The following IL32 variants were observed in gnomAD, a reference collection of about 807,000 sequenced individuals.
The protein encoded by IL32 is interleukin 32.
A neutral mutation model predicts 16.6 loss-of-function variants in IL32; 30 were observed. The ratio of observed to expected loss-of-function variants is 1.81; its 90% CI spans 1.35 to 2.45. IL32 has a LOEUF of 2.45. IL32 is among the 30% of genes most tolerant of loss of function. IL32 has a pLI of 0.00. For synonymous variants in IL32, 70 were observed against 86.1 expected (o/e 0.81, Z 1.03); for missense variants, 234 against 229.8 (o/e 1.02, Z -0.12).
At position 3,068,028 on chromosome 16, in the gene IL32, C is replaced by G. The variant is rs747902151; in HGVS notation, c.141+18C>G. The G allele has an allele frequency of 4.3e-6, 7 of 1,613,754 alleles. No individual in the cohort carries two copies. Among genetic ancestry groups the G allele is most frequent in the Non-Finnish European group, 5.1e-6 (6 of 1,179,790 alleles). ...AGCTGGAGGTGAGCCGTGGCCTCCC[C>G]CTCCACCAAGCTTAGTCCCTGGGTC... On this transcript the variant is annotated intron_variant, in intron 5 of 6. Coordinates refer to ENST00000525643, the MANE Select transcript of IL32 (RefSeq NM_001376923.1).
intron 4 of IL32, 106 bp from the exon 5 acceptor site, chr16:3,067,878 C>A (rs1313939365): frequency 7.3e-7 from 1 of 1,367,766 alleles, no homozygotes; most frequent in Non-Finnish European, 1.0e-6. Flanking sequence ...CTGGCTGGGC[C>A]CAGTTCGGGG....
At position 3,066,829 on chromosome 16, in the gene IL32, G is replaced by A. The variant is rs543491245; in HGVS notation, c.16-548G>A. ...GACCATAGTGGTTGTGGGAAACCCA[G>A]CTGAGCCAGCCTGCTCCAGGACAGT... is the stretch of plus-strand genomic sequence containing the variant. On this transcript the variant is annotated intron_variant, in intron 2 of 6. Coordinates refer to ENST00000525643, the MANE Select transcript of IL32 (RefSeq NM_001376923.1). Among the ~76,000 whole-genome samples the A allele has an allele frequency of 5.9e-5, 9 of 152,186 alleles. No homozygotes were observed. The South Asian group carries it at 8.3e-4, about 14-fold the overall frequency.
At chr16:3,066,118 T>TC (rs1318853533) in intron 2 of IL32, among the ~76,000 whole-genome samples, 1 of 152,144 alleles carries the variant, frequency 6.6e-6, no homozygotes, top group African/African-American at 2.4e-5. Flanking sequence ...TGGAAACGAC[T>TC]CGGAGAATGC....
At chr16:3,065,724 G>A in intron 1 of IL32, 37 bp downstream of exon 1, 3 of 1,495,018 alleles carry the variant, frequency 2.0e-6, no homozygotes, top group Admixed American at 1.7e-5. Context: ...AGGACCCTCT[G>A]GGGAGGAGGG....
chr16:3,068,449 G>A, intron 6 of IL32: 1 of 572,076 alleles, frequency 1.7e-6, no homozygotes, highest in South Asian at 2.0e-5. Context: ...GGGACTACAG[G>A]CACCCGCCAC....
intron 2 of IL32, among the ~76,000 whole-genome samples, chr16:3,067,000 A>AGGAGGGGTCACCTAGGCCCATGCT (rs1956398236): frequency 7.9e-5 from 4 of 50,552 alleles, no homozygotes; most frequent in East Asian, 4.9e-4. Flanking sequence ...AGGCCCACGC[A>AGGAGGGGTCACCTAGGCCCATGCT]GGCCCTGCTC....
intron 3 of IL32, 25 bp from the exon 4 acceptor site, chr16:3,067,529 G>T (rs767093013): frequency 6.2e-7 from 1 of 1,614,038 alleles, no homozygotes; most frequent in African/African-American, 1.3e-5. Flanking sequence ...CGGCCCTTTG[G>T]TGCCAACTCT....
At position 3,069,348 on chromosome 16, in the gene IL32, C is replaced by T. The variant is rs369007437; in HGVS notation, c.560C>T (p.Ser187Leu). 2.0e-5 allele frequency: 32 copies of T among 1,589,010 alleles called. No homozygotes were observed. In the African/African-American group the frequency reaches 3.4e-4, roughly 17 times the overall value. Residue 187 changes from serine (S) to leucine (L), a missense_variant, in exon 7 of 7, where the codon TCA becomes TTA. Coordinates refer to ENST00000525643, the MANE Select transcript of IL32 (RefSeq NM_001376923.1). ...CAGAAGTGCTCTGAACCCCAATCCTCAAAATGAAGATACTGACACCACCTT... is the reference window on the plus strand; with the variant it reads ...CAGAAGTGCTCTGAACCCCAATCCTTAAAATGAAGATACTGACACCACCTT... ...TPQKCSEPQS[S>L]K
At chr16:3,067,223 C>T (rs894907996) in intron 2 of IL32, among the ~76,000 whole-genome samples, 154 bp from the exon 3 acceptor site, 1 of 151,354 alleles carries the variant, frequency 6.6e-6, no homozygotes, top group East Asian at 2.0e-4. Flanking sequence ...CTGTGAGGGG[C>T]TCCTGGGACT....
At chr16:3,068,849 C>A in intron 6 of IL32, 141 bp from the exon 7 acceptor site, 1 of 1,371,868 alleles carries the variant, frequency 7.3e-7, no homozygotes, top group Non-Finnish European at 9.8e-7. Flanking sequence ...TCCCTCTTGC[C>A]CACGGGGCTG....
At chr16:3,065,891 C>A in intron 2 of IL32, 65 bp downstream of exon 2, 3 of 1,592,656 alleles carry the variant, frequency 1.9e-6, no homozygotes, top group Non-Finnish European at 2.6e-6. Context: ...GGTGCGGGTG[C>A]CCTCAGTATT....
intron 5 of IL32, 66 bp from the exon 6 acceptor site, chr16:3,068,114 T>G: frequency 1.2e-6 from 2 of 1,602,776 alleles, no homozygotes; most frequent in Middle Eastern, 3.3e-4. Context: ...CCTGGACCAG[T>G]GGGGGCCACA....
chr16:3,068,377 C>G (rs1956673078), intron 6 of IL32, 138 bp downstream of exon 6: 29 of 758,604 alleles, frequency 3.8e-5, no homozygotes, highest in Middle Eastern at 3.4e-4. Flanking sequence ...ATGATCTTGG[C>G]TCACTGCAAC....
At chr16:3,068,081 GC>G in intron 5 of IL32, 71 bp downstream of exon 5, 1 of 1,606,062 alleles carries the variant, frequency 6.2e-7, no homozygotes, top group Non-Finnish European at 8.5e-7. Context: ...CTGGGTCTGG[GC>G]CCCGGGTCCC....
intron 6 of IL32, 55 bp from the exon 7 acceptor site, chr16:3,068,935 G>T: frequency 6.2e-7 from 1 of 1,601,394 alleles, no homozygotes; most frequent in Non-Finnish European, 8.5e-7. Flanking sequence ...GTGTGGCCAG[G>T]GCCTGGGGCT....
chr16:3,065,744 G>T, intron 1 of IL32, 40 bp from the exon 2 acceptor site: 1 of 1,604,972 alleles, frequency 6.2e-7, no homozygotes, highest in African/African-American at 1.3e-5. Flanking sequence ...GTGCTTCTCT[G>T]AGACACTTTC....
intron 2 of IL32, 147 bp from the exon 3 acceptor site, chr16:3,067,230 G>A: frequency 1.7e-6 from 1 of 601,098 alleles, no homozygotes; most frequent in Non-Finnish European, 2.9e-6. Flanking sequence ...GGGCTCCTGG[G>A]ACTGCTGTCT....
At position 3,069,452 on chromosome 16, in the gene IL32, C is replaced by G. The variant is rs1956828156; in HGVS notation, c.*97C>G. The G allele has an allele frequency of 2.9e-6, 4 of 1,401,276 alleles. No homozygotes were observed. The highest frequency in any genetic ancestry group is 3.9e-6 in the Non-Finnish European group (4 of 1,034,656). The allele number at this position is 1,401,276 out of a possible 1,614,324, so 86.8% of individuals were successfully genotyped here. A position where few individuals can be genotyped will look rare whatever the true frequency, so the allele number is the denominator to read the frequency against. On this transcript the variant is annotated 3_prime_UTR_variant, in exon 7 of 7. Coordinates refer to ENST00000525643, the MANE Select transcript of IL32 (RefSeq NM_001376923.1). ...CCCCGCCCTCTCCCGCACACTCAGT[C>G]CCCCTGCCTGGCGTTCCTGCCGCAG...
intron 6 of IL32, 116 bp from the exon 7 acceptor site, chr16:3,068,874 A>T: frequency 6.6e-7 from 1 of 1,519,146 alleles, no homozygotes; most frequent in East Asian, 2.3e-5. Context: ...TGGGAAACCA[A>T]CACCTGTGGG....
Sources: allele counts gnomAD v4.1 joint callset (sites outside exome capture counted in the v4.1 genomes callset), GRCh38; gene constraint gnomAD v4.1.1; transcripts MANE v1.5; gene names NCBI Gene and HGNC (gene_info 2026-07-23, HGNC 2026-07-21).